The following SRFBP1 variants were observed in gnomAD, a reference collection of about 807,000 sequenced individuals.
SRFBP1 encodes serum response factor binding protein 1.
In SRFBP1, 47 loss-of-function variants were observed where a neutral mutation model predicts 45.5. The observed-to-expected ratio is 1.03, with a 90% CI of 0.82 to 1.32. The LOEUF is 1.32. SRFBP1 is among the 40% of genes most tolerant of loss of function. The pLI is 0.00. For synonymous variants in SRFBP1, 203 were observed against 166.3 expected (o/e 1.22, Z -1.70); for missense variants, 621 against 484.6 (o/e 1.28, Z -2.64).
intron 4 of SRFBP1, among the ~76,000 whole-genome samples, chr5:122,013,333 A>G (rs1317464180): frequency 2.0e-5 from 3 of 152,126 alleles, no homozygotes; most frequent in African/African-American, 7.2e-5. Flanking sequence ...TTTCATTTAT[A>G]AAAATTAGAA....
At chr5:122,038,288 A>G (rs146411577) in intron 2 of SRFBP1, among the ~76,000 whole-genome samples, 4 of 152,342 alleles carry the variant, frequency 2.6e-5, no homozygotes, top group Admixed American at 2.6e-4. Context: ...CCAAAAGCCC[A>G]AAATATAGGG....
intron 2 of SRFBP1, chr5:122,074,000 G>A: frequency 1.2e-6 from 2 of 1,602,558 alleles, no homozygotes; most frequent in Non-Finnish European, 1.7e-6. Flanking sequence ...TGGATTTCAG[G>A]GTGCCAACAT....
At chr5:122,037,443 A>G (rs1329116952) in intron 2 of SRFBP1, among the ~76,000 whole-genome samples, 1 of 152,092 alleles carries the variant, frequency 6.6e-6, no homozygotes, top group Non-Finnish European at 1.5e-5. Context: ...CCATCTTCAA[A>G]TTATTCCATG....
At chr5:122,077,244 G>A (rs1754664944), downstream of SRFBP1, 2 of 1,524,286 alleles carry the variant, frequency 1.3e-6, no homozygotes, top group South Asian at 1.3e-5. The surrounding 1 kb of genome is among the most constrained non-coding windows in gnomAD (Gnocchi z 4.9). Context: ...CGTGGGGGAG[G>A]GATCGGATCT....
intron 2 of SRFBP1, among the ~76,000 whole-genome samples, chr5:122,042,682 T>G (rs1488751632): frequency 6.6e-6 from 1 of 152,226 alleles, no homozygotes; most frequent in Admixed American, 6.5e-5. Flanking sequence ...GTATGTATTT[T>G]TTCTTTGTGT....
At chr5:121,964,163 A>G (rs1029157763) in intron 1 of SRFBP1, among the ~76,000 whole-genome samples, 22 of 151,944 alleles carry the variant, frequency 1.4e-4, no homozygotes, top group African/African-American at 5.1e-4. Flanking sequence ...TAGCTTCCCA[A>G]CTACTTACAT....
intron 2 of SRFBP1, among the ~76,000 whole-genome samples, chr5:122,059,712 C>T (rs1343627862): frequency 6.6e-6 from 1 of 152,058 alleles, no homozygotes; most frequent in African/African-American, 2.4e-5. Context: ...GTTTTCCCTT[C>T]CCCTCTACCC....
At chr5:122,031,566 G>T (rs1216135296), downstream of SRFBP1, among the ~76,000 whole-genome samples, 1 of 152,196 alleles carries the variant, frequency 6.6e-6, no homozygotes, top group African/African-American at 2.4e-5. Flanking sequence ...GGAATGAACA[G>T]ATTCTCAGAG....
chr5:122,066,367 T>C (rs1031988695), intron 2 of SRFBP1: 1 of 190,666 alleles, frequency 5.2e-6, no homozygotes, highest in Non-Finnish European at 1.1e-5. Context: ...TCCAGCACTT[T>C]AGAAAAGTTT....
At chr5:121,974,469 G>A (rs534236609) in intron 2 of SRFBP1, among the ~76,000 whole-genome samples, 185 bp downstream of exon 2, 11 of 151,992 alleles carry the variant, frequency 7.2e-5, no homozygotes, top group African/African-American at 2.4e-4. Flanking sequence ...CCCTTCTATG[G>A]TTTGGACCAT....
Position 122,020,444 on chromosome 5 carries a change from A to G in SRFBP1, c.709A>G (p.Lys237Glu). The change falls in exon 6 of 8, where the codon AAA becomes GAA. Residue 237 changes from lysine to glutamate, a missense_variant. Coordinates refer to ENST00000339397, the MANE Select transcript of SRFBP1 (RefSeq NM_152546.3). ...LKTLSQTKKNKGSDSSLSGNS... is the reference protein window; with the variant it reads ...LKTLSQTKKNEGSDSSLSGNS... ...AACTCTAAGTCAAACCAAAAAAAAC[A>G]AAGGATCTGATAGCTCACTCTCTGG... 2 of 1,614,134 alleles carry G rather than the reference A, an allele frequency of 1.2e-6. No individual in the cohort carries two copies. The highest frequency in any genetic ancestry group is 1.6e-4 in the Middle Eastern group (1 of 6,062).
intron 4 of SRFBP1, among the ~76,000 whole-genome samples, chr5:121,997,166 T>C (rs898262364): frequency 2.7e-5 from 4 of 146,690 alleles, no homozygotes; most frequent in Admixed American, 2.7e-4. Flanking sequence ...AAAAACTACT[T>C]TAAAGTTCAT....
intron 4 of SRFBP1, among the ~76,000 whole-genome samples, chr5:122,000,651 C>G (rs1752843988): frequency 6.6e-6 from 1 of 151,902 alleles, no homozygotes; most frequent in Non-Finnish European, 1.5e-5. Context: ...ATCTTTGGTC[C>G]TCTGTATATA....
chr5:122,022,103 A>G (rs1753338675), intron 6 of SRFBP1, among the ~76,000 whole-genome samples: 1 of 152,182 alleles, frequency 6.6e-6, no homozygotes, highest in African/African-American at 2.4e-5. Context: ...TAACCAAGAC[A>G]AGATATTTCC....
intron 2 of SRFBP1, among the ~76,000 whole-genome samples, chr5:121,974,487 C>G (rs993932913): frequency 2.0e-5 from 3 of 151,846 alleles, no homozygotes; most frequent in African/African-American, 7.2e-5. Flanking sequence ...CATCATTGCT[C>G]AAGATACAGG....
chr5:121,989,489 C>A (rs1377596484), intron 3 of SRFBP1, among the ~76,000 whole-genome samples: 1 of 152,160 alleles, frequency 6.6e-6, no homozygotes, highest in Non-Finnish European at 1.5e-5. Flanking sequence ...AAACTAGTTT[C>A]TTTCACAATT....
At chr5:122,016,173 A>G (rs1753190653) in intron 4 of SRFBP1, among the ~76,000 whole-genome samples, 1 of 152,292 alleles carries the variant, frequency 6.6e-6, no homozygotes, top group Non-Finnish European at 1.5e-5. Flanking sequence ...TATTCAGCAC[A>G]CCAAGTATCC....
intron 4 of SRFBP1, among the ~76,000 whole-genome samples, chr5:122,012,444 A>C (rs1435756974): frequency 6.6e-6 from 1 of 152,096 alleles, no homozygotes; most frequent in Non-Finnish European, 1.5e-5. Context: ...TGGTCTTTTA[A>C]GAATGGAAAA....
chr5:121,972,570 C>T (rs1469467771), intron 1 of SRFBP1, among the ~76,000 whole-genome samples: 4 of 151,682 alleles, frequency 2.6e-5, no homozygotes, highest in African/African-American at 7.3e-5. Context: ...GTGTTTTTTT[C>T]ATTCAGGACT....
Sources: allele counts gnomAD v4.1 joint callset (sites outside exome capture counted in the v4.1 genomes callset), GRCh38; gene constraint gnomAD v4.1.1; non-coding constraint Gnocchi (gnomAD v3.1); transcripts MANE v1.5; gene names NCBI Gene and HGNC (gene_info 2026-07-23, HGNC 2026-07-21).